The following ADCYAP1R1 variants were observed in gnomAD, a reference collection of about 807,000 sequenced individuals.
The protein encoded by ADCYAP1R1 is ADCYAP receptor type I.
A neutral mutation model predicts 67.6 loss-of-function variants in ADCYAP1R1; 44 were observed. That is an observed-to-expected ratio of 0.65 (90% CI 0.51 to 0.84). ADCYAP1R1 has a LOEUF of 0.84. ADCYAP1R1 is among the 40% of genes least tolerant of loss of function. The pLI is 0.00. For synonymous variants in ADCYAP1R1, 222 were observed against 219.6 expected (o/e 1.01, Z -0.10); for missense variants, 477 against 587.9 (o/e 0.81, Z 1.95).
At chr7:31,075,964 C>G (rs1795192516) in intron 3 of ADCYAP1R1, among the ~76,000 whole-genome samples, 1 of 152,186 alleles carries the variant, frequency 6.6e-6, no homozygotes, top group South Asian at 2.1e-4. Context: ...TCCCAGGTTT[C>G]CAGCTGGGGC....
intron 7 of ADCYAP1R1, 89 bp from the exon 8 acceptor site, chr7:31,084,648 C>G: frequency 9.1e-7 from 1 of 1,100,606 alleles, no homozygotes; most frequent in South Asian, 1.2e-5. Context: ...TGGGCAGGCC[C>G]TGGCCTGGGA....
rs181355559 is a variant in ADCYAP1R1 at position 31,110,970 on chromosome 7, A to G, written c.*4286A>G. 1 of 152,342 alleles carries G rather than the reference A, an allele frequency of 6.6e-6. No individual in the cohort carries two copies. Among genetic ancestry groups the G allele is most frequent in the Non-Finnish European group, 1.5e-5 (1 of 68,030 alleles). The allele number at this position is 152,342 out of a possible 1,614,324, so 9.4% of individuals were successfully genotyped here. ...GCCCTCCTAAGTTAACCTGTGCCTC[A>G]TTTGTAAAACCACCAGCATCAGGAG... is the stretch of plus-strand genomic sequence containing the variant. On this transcript the variant is annotated 3_prime_UTR_variant, in exon 16 of 16. Coordinates refer to ENST00000304166, the MANE Select transcript of ADCYAP1R1 (RefSeq NM_001118.5).
At chr7:31,076,752 G>A (rs766651267) in intron 3 of ADCYAP1R1, among the ~76,000 whole-genome samples, 7 of 152,190 alleles carry the variant, frequency 4.6e-5, no homozygotes, top group Non-Finnish European at 8.8e-5. Flanking sequence ...GAGTAGGTGG[G>A]GGGAGTGGAG....
intron 13 of ADCYAP1R1, chr7:31,099,991 G>T: frequency 1.2e-6 from 1 of 800,512 alleles, no homozygotes; most frequent in Non-Finnish European, 2.0e-6. Flanking sequence ...TTGGCCCTTG[G>T]CTCCCTCATT....
At chr7:31,104,582 G>A (rs1026989061) in intron 14 of ADCYAP1R1, among the ~76,000 whole-genome samples, 3 of 152,122 alleles carry the variant, frequency 2.0e-5, no homozygotes, top group Admixed American at 2.0e-4. Context: ...TATAGGAAGT[G>A]GGATAGAGCT....
Position 31,060,621 on chromosome 7 carries a change from C to T in ADCYAP1R1, c.-71-2573C>T, listed in dbSNP as rs530003307. 4.6e-5 allele frequency among the ~76,000 whole-genome samples: 7 copies of T among 152,058 alleles called. No homozygotes were observed. The South Asian group carries it at 1.2e-3, about 27-fold the overall frequency. ...GGTGGCCCTGGGGATAAATGTCTCT[C>T]TTTGTCTCTGTAGGGTTGACATGTC... On this transcript the variant is annotated intron_variant, in intron 1 of 15. Coordinates refer to ENST00000304166, the MANE Select transcript of ADCYAP1R1 (RefSeq NM_001118.5).
chr7:31,058,704 G>A (rs1308949307), intron 1 of ADCYAP1R1, among the ~76,000 whole-genome samples: 1 of 152,180 alleles, frequency 6.6e-6, no homozygotes, highest in African/African-American at 2.4e-5. Context: ...TGGGTGTAGT[G>A]GCGGACCTGA....
intron 1 of ADCYAP1R1, among the ~76,000 whole-genome samples, chr7:31,056,181 G>A (rs1434427755): frequency 6.6e-6 from 1 of 152,138 alleles, no homozygotes; most frequent in Non-Finnish European, 1.5e-5. Context: ...TTATCTCAGG[G>A]CTAGGGCTTC....
chr7:31,095,159 C>T (rs1195858934), intron 13 of ADCYAP1R1, among the ~76,000 whole-genome samples: 8 of 152,194 alleles, frequency 5.3e-5, no homozygotes, highest in Non-Finnish European at 2.9e-5. Flanking sequence ...CATTTAACAC[C>T]TGCAAACATC....
At chr7:31,085,780 C>T (rs1314280955) in intron 9 of ADCYAP1R1, among the ~76,000 whole-genome samples, 1 of 152,198 alleles carries the variant, frequency 6.6e-6, no homozygotes, top group Non-Finnish European at 1.5e-5. Context: ...TTACCTAGCC[C>T]CTGGTCATTT....
intron 3 of ADCYAP1R1, among the ~76,000 whole-genome samples, chr7:31,068,704 T>G (rs1327825835): frequency 6.6e-6 from 1 of 152,134 alleles, no homozygotes; most frequent in African/African-American, 2.4e-5. Context: ...GGGAGGCCCC[T>G]GGGGAGGCTG....
At chr7:31,084,587 TGG>T in intron 7 of ADCYAP1R1, 148 bp from the exon 8 acceptor site, 1 of 689,442 alleles carries the variant, frequency 1.5e-6, no homozygotes, top group Non-Finnish European at 2.6e-6. Context: ...GGGTGGGAGG[TGG>T]TGGAGATGAT....
At chr7:31,087,105 C>G (rs540169811) in intron 11 of ADCYAP1R1, 102 bp downstream of exon 11, 12 of 1,316,922 alleles carry the variant, frequency 9.1e-6, no homozygotes, top group Non-Finnish European at 1.3e-5. Flanking sequence ...CGCAACAAAC[C>G]ATTCAATGCC....
intron 3 of ADCYAP1R1, among the ~76,000 whole-genome samples, chr7:31,074,316 A>G (rs1795112589): frequency 6.6e-6 from 1 of 152,042 alleles, no homozygotes; most frequent in African/African-American, 2.4e-5. Flanking sequence ...TCAAACATCA[A>G]TTTCACAGCT....
intron 3 of ADCYAP1R1, among the ~76,000 whole-genome samples, chr7:31,069,818 G>A (rs915490381): frequency 6.6e-6 from 1 of 152,206 alleles, no homozygotes; most frequent in Non-Finnish European, 1.5e-5. Context: ...CAGAGAGGTG[G>A]CCGTGGGGAG....
At chr7:31,065,799 G>T (rs1400345730) in intron 3 of ADCYAP1R1, among the ~76,000 whole-genome samples, 2 of 152,190 alleles carry the variant, frequency 1.3e-5, no homozygotes, top group African/African-American at 4.8e-5. Flanking sequence ...TGCTGCCTAA[G>T]GGTAGGGCTC....
chr7:31,069,850 C>G (rs1562633286), intron 3 of ADCYAP1R1, among the ~76,000 whole-genome samples: 1 of 152,110 alleles, frequency 6.6e-6, no homozygotes, highest in Non-Finnish European at 1.5e-5. Context: ...TTGGAGCCTG[C>G]CTTGCATTGT....
At position 31,080,644 on chromosome 7, in the gene ADCYAP1R1, C is replaced by A; in HGVS notation, c.286+11C>A. 3.1e-6 allele frequency: 5 copies of A among 1,613,714 alleles called. No individual in the cohort carries two copies. Among genetic ancestry groups the A allele is most frequent in the East Asian group, 4.5e-5 (2 of 44,876 alleles). ...AGACCGAAACCATTGGTAAGAGGAA[C>A]CTTGGTGAGGATAGACCGCTGTCTT... On this transcript the variant is annotated intron_variant, in intron 5 of 15. Transcript: ENST00000304166.
intron 6 of ADCYAP1R1, among the ~76,000 whole-genome samples, chr7:31,082,585 G>A (rs1240153360): frequency 6.6e-6 from 1 of 152,232 alleles, no homozygotes; most frequent in Non-Finnish European, 1.5e-5. Context: ...GGCCCAGGGA[G>A]GGGAAGGAAC....
Sources: gnomAD v4.1 joint callset for allele counts (sites outside exome capture counted in the v4.1 genomes callset) on GRCh38, gnomAD v4.1.1 for gene constraint, MANE v1.5 for transcripts, NCBI Gene and HGNC (gene_info 2026-07-23, HGNC 2026-07-21) for gene names.